Variants in MCTP1 observed in about 807,000 individuals in gnomAD.
MCTP1 encodes the protein multiple C2 and transmembrane domain containing 1, also known as multiple C2 and transmembrane domain-containing protein 1.
MCTP1 carries 69 observed loss-of-function variants against 120.6 expected under a neutral mutation model. That is an observed-to-expected ratio of 0.57 (90% CI 0.47 to 0.70). The LOEUF (loss-of-function observed/expected upper bound fraction) is 0.70. Ranked by LOEUF, MCTP1 falls within the 30% of genes least tolerant of loss-of-function variation. MCTP1 has a pLI of 0.00. For synonymous variants in MCTP1, 529 were observed against 493.1 expected, an observed-to-expected ratio of 1.07 and a Z score of -0.96; for missense variants, 1,203 against 1,248.8, an observed-to-expected ratio of 0.96 and a Z score of 0.55.
At chr5:95,223,835 C>T (rs1343973113) in intron 1 of MCTP1, among the ~76,000 whole-genome samples, 1 of 152,176 alleles carries the variant, frequency 6.6e-6, no homozygotes, top group Non-Finnish European at 1.5e-5. Flanking sequence ...CTAAAAGTTA[C>T]TTCTGAAGTC....
chr5:95,269,922 C>T (rs1759224706), intron 1 of MCTP1, among the ~76,000 whole-genome samples: 1 of 152,174 alleles, frequency 6.6e-6, no homozygotes, highest in African/African-American at 2.4e-5. Flanking sequence ...CTTTGAGATG[C>T]TGTACATAGA....
At chr5:95,141,094 A>G (rs549802181) in intron 1 of MCTP1, among the ~76,000 whole-genome samples, 1 of 152,196 alleles carries the variant, frequency 6.6e-6, no homozygotes, top group South Asian at 2.1e-4. Context: ...TCTCTTTCCT[A>G]AAAACCTTAA....
chr5:95,103,321 A>AT lies in MCTP1; in HGVS notation c.721-85838dup, dbSNP rs528820513. 8.0e-3 allele frequency among the ~76,000 whole-genome samples: 1,220 copies of AT among 151,870 alleles called. 17 individuals carry two copies. Among genetic ancestry groups the AT allele is most frequent in the African/African-American group, 0.028 (1,172 of 41,452 alleles). On this transcript the variant is annotated intron_variant, in intron 1 of 22. Coordinates refer to ENST00000515393, the MANE Select transcript of MCTP1 (RefSeq NM_024717.7). ...GCTTCTGTAATAAATGAAATTATAT[A>AT]TTTTTTTTAAAGTGGAGAAAAAGGT... is the stretch of plus-strand genomic sequence containing the variant.
chr5:95,079,607 A>G (rs996992447), intron 1 of MCTP1, among the ~76,000 whole-genome samples: 2 of 152,188 alleles, frequency 1.3e-5, no homozygotes, highest in Non-Finnish European at 2.9e-5. Context: ...ACTTTATTAC[A>G]AAGCAGAGCT....
At chr5:95,201,446 A>G (rs1448894615) in intron 1 of MCTP1, among the ~76,000 whole-genome samples, 1 of 138,520 alleles carries the variant, frequency 7.2e-6, no homozygotes, top group Admixed American at 7.7e-5. Context: ...AAAAGGGATA[A>G]AATGTAAAGG....
At chr5:94,791,917 G>A (rs945412749) in intron 18 of MCTP1, 1 of 152,376 alleles carries the variant, frequency 6.6e-6, no homozygotes, top group Non-Finnish European at 1.5e-5. Flanking sequence ...CTCATGGCTG[G>A]ACAGCCACTT....
At chr5:95,138,816 C>A (rs568844329) in intron 1 of MCTP1, among the ~76,000 whole-genome samples, 1 of 152,308 alleles carries the variant, frequency 6.6e-6, no homozygotes, top group South Asian at 2.1e-4. Context: ...GCAAAGTACA[C>A]CCTGCCCGTT....
intron 17 of MCTP1, among the ~76,000 whole-genome samples, chr5:94,845,893 G>A (rs549662309): frequency 6.6e-6 from 1 of 152,228 alleles, no homozygotes; most frequent in Admixed American, 6.5e-5. Flanking sequence ...AGAAGCATAT[G>A]AGAAAATGCT....
At chr5:94,971,905 A>C (rs73774813) in intron 2 of MCTP1, among the ~76,000 whole-genome samples, 1,839 of 152,194 alleles carry the variant, frequency 0.012, 35 homozygotes, top group African/African-American at 0.042. Flanking sequence ...CTAATTATTA[A>C]ATTTCCATTT....
At chr5:94,748,034 G>A (rs994931283) in intron 19 of MCTP1, among the ~76,000 whole-genome samples, 1 of 152,174 alleles carries the variant, frequency 6.6e-6, no homozygotes, top group African/African-American at 2.4e-5. Flanking sequence ...AGGTTGCAGC[G>A]AGCTGAGATT....
intron 8 of MCTP1, among the ~76,000 whole-genome samples, chr5:94,914,949 CTGT>C (rs1181315245): frequency 1.3e-5 from 2 of 152,166 alleles, no homozygotes; most frequent in African/African-American, 4.8e-5. Context: ...ACTTCTGCTG[CTGT>C]TGAGACTGCC....
chr5:94,918,794 A>T (rs1810798813), intron 7 of MCTP1, among the ~76,000 whole-genome samples: 1 of 152,206 alleles, frequency 6.6e-6, no homozygotes. Flanking sequence ...AGAAAGGAAC[A>T]TTTATTGTGC....
intron 1 of MCTP1, among the ~76,000 whole-genome samples, chr5:95,080,757 T>C (rs962694212): frequency 3.9e-5 from 6 of 152,202 alleles, no homozygotes; most frequent in Non-Finnish European, 8.8e-5. Context: ...CTCTCATTCA[T>C]TCTCTATCCA....
intron 1 of MCTP1, among the ~76,000 whole-genome samples, chr5:95,242,686 G>A (rs112075936): frequency 1.3e-5 from 2 of 152,048 alleles, no homozygotes; most frequent in African/African-American, 4.8e-5. Context: ...AAAATTCTAG[G>A]AATTGAAAAT....
At position 94,722,560 on chromosome 5, in the gene MCTP1, C is replaced by T. The variant is rs527955079; in HGVS notation, c.2611-7674G>A. On this transcript the variant is annotated intron_variant, in intron 19 of 22. Transcript: ENST00000515393. The stretch of plus-strand genomic sequence containing the variant: ...GGGAGAGCTGTTAAATCTTATGCTA[C>T]GATAATGAACATAAAATGGAACTAT... Among the ~76,000 whole-genome samples, 95 of 152,186 alleles carry T rather than the reference C, an allele frequency of 6.2e-4. 1 individual carries two copies. The highest frequency in any genetic ancestry group is 6.8e-3 in the Middle Eastern group (2 of 294).
intron 1 of MCTP1, among the ~76,000 whole-genome samples, chr5:95,280,860 C>T (rs748986690): frequency 1.2e-4 from 18 of 152,226 alleles, no homozygotes; most frequent in Non-Finnish European, 2.2e-4. Context: ...TTTCCCCAGC[C>T]GTCCAAACTG....
chr5:95,254,106 C>G (rs1757646117), intron 1 of MCTP1, among the ~76,000 whole-genome samples: 1 of 152,134 alleles, frequency 6.6e-6, no homozygotes, highest in Non-Finnish European at 1.5e-5. Flanking sequence ...TCAAATACTT[C>G]CCTTCCCTCT....
At chr5:95,250,363 G>A (rs181821967) in intron 1 of MCTP1, among the ~76,000 whole-genome samples, 77 of 152,250 alleles carry the variant, frequency 5.1e-4, no homozygotes, top group African/African-American at 1.6e-3. Context: ...GTTATGTCAG[G>A]AATCATAAAG....
chr5:95,099,823 C>A (rs1184566442), intron 1 of MCTP1, among the ~76,000 whole-genome samples: 1 of 148,664 alleles, frequency 6.7e-6, no homozygotes, highest in South Asian at 2.1e-4. Flanking sequence ...CACATGCACA[C>A]GTATGTTTAT....
Sources: gnomAD v4.1 joint callset for allele counts (sites outside exome capture counted in the v4.1 genomes callset) on GRCh38, gnomAD v4.1.1 for gene constraint, MANE v1.5 for transcripts, NCBI Gene and HGNC (gene_info 2026-07-23, HGNC 2026-07-21) for gene names.